ZNF772: variants seen among roughly 807,000 people sequenced by gnomAD.
The protein encoded by ZNF772 is zinc finger protein 772.
A neutral mutation model predicts 11.0 loss-of-function variants in ZNF772; 8 were observed. The ratio of observed to expected loss-of-function variants is 0.73; its 90% CI spans 0.43 to 1.31. ZNF772 has a LOEUF of 1.31. Ranked by LOEUF, ZNF772 falls within the 50% of genes most tolerant of loss-of-function variation. The pLI, the probability that ZNF772 is intolerant of heterozygous loss-of-function variation, is 0.01. For synonymous variants in ZNF772, 155 were observed against 180.4 expected, an observed-to-expected ratio of 0.86 and a Z score of 1.13; for missense variants, 496 against 552.3, an observed-to-expected ratio of 0.90 and a Z score of 1.02.
At position 57,476,432 on chromosome 19, in the gene ZNF772, T is replaced by C. The variant is rs1021058511; in HGVS notation, c.72+202A>G. 1.2e-4 allele frequency: 75 copies of C among 628,442 alleles called. 1 individual carries two copies. In the African/African-American group the frequency reaches 1.3e-3, roughly 11 times the overall value. The allele number at this position is 628,442 out of a possible 1,614,324, so 38.9% of individuals were successfully genotyped here. ...CTGTGCCTGGAACAACCTTCCAACC[T>C]TATTCCAATGGTTGGCAGAAATGGA... is the stretch of plus-strand genomic sequence containing the variant. On this transcript the variant is annotated intron_variant, in intron 2 of 3. Transcript: ENST00000356584.
Position 57,473,587 on chromosome 19 carries a change from T to C in ZNF772, c.1034A>G (p.Tyr345Cys). Residue 345 changes from tyrosine (Y) to cysteine (C), a missense_variant, in exon 4 of 4, where the codon TAC becomes TGC. By Grantham distance (194) the Tyr-to-Cys change is radical (BLOSUM62 -2). Coordinates refer to ENST00000356584, the MANE Select transcript of ZNF772 (RefSeq NM_001144068.2). ...RPYECSECGKYFGHKYRLIKH... is the reference protein window; with the variant it reads ...RPYECSECGKCFGHKYRLIKH... ...AATGAGTCTGTATTTGTGACCAAAG[T>C]ATTTTCCACATTCGCTGCACTCATA... 1 of 1,612,532 alleles carries C rather than the reference T, an allele frequency of 6.2e-7. No individual in the cohort carries two copies. The highest frequency in any genetic ancestry group is 8.5e-7 in the Non-Finnish European group (1 of 1,179,036).
chr19:57,475,099 T>C lies in ZNF772; in HGVS notation c.199+561A>G, dbSNP rs1200408054. ...ACCCAGTCAGGTACCCAGGGCTCACTACCCATCACCAGTGAGGCAACTATG... is the reference window on the plus strand; with the variant it reads ...ACCCAGTCAGGTACCCAGGGCTCACCACCCATCACCAGTGAGGCAACTATG... On this transcript the variant is annotated intron_variant, in intron 3 of 3. Coordinates refer to ENST00000356584, the MANE Select transcript of ZNF772 (RefSeq NM_001144068.2). The surrounding 1 kb of genome is among the most constrained non-coding windows in gnomAD (Gnocchi z 4.2). The C allele has an allele frequency of 1.2e-6, 2 of 1,614,184 alleles. No homozygotes were observed.
Position 57,473,735 on chromosome 19 carries a change from G to C in ZNF772, c.886C>G (p.Leu296Val), listed in dbSNP as rs1791408767. ...GTGTGTACTCTTTGATGTACAATAAGGTTAGAGCTATGATTAAAAACTTTC... is the reference window on the plus strand; with the variant it reads ...GTGTGTACTCTTTGATGTACAATAACGTTAGAGCTATGATTAAAAACTTTC... ...CGKVFNHSSN[L>V]IVHQRVHTGA... The change falls in exon 4 of 4, where the codon CTT becomes GTT. Residue 296 changes from leucine to valine, a missense_variant. Coordinates refer to ENST00000356584, the MANE Select transcript of ZNF772 (RefSeq NM_001144068.2). 9 of 1,614,036 alleles carry C rather than the reference G, an allele frequency of 5.6e-6. No homozygotes were observed. The highest frequency in any genetic ancestry group is 6.8e-6 in the Non-Finnish European group (8 of 1,180,038).
chr19:57,475,935 C>T lies in ZNF772; in HGVS notation c.73-149G>A, dbSNP rs763916516. ...ACCAGATGTCATTGGTGTCTTCTCT[C>T]GCCTCATGGTCCCAATGGATCACTG... On this transcript the variant is annotated intron_variant, in intron 2 of 3. Coordinates refer to ENST00000356584, the MANE Select transcript of ZNF772 (RefSeq NM_001144068.2). This position sits in a 1 kb window ranked among gnomAD's most constrained non-coding sequence, Gnocchi z 4.2. 3.2e-5 allele frequency: 37 copies of T among 1,154,158 alleles called. No individual in the cohort carries two copies. Among genetic ancestry groups the T allele is most frequent in the East Asian group, 7.6e-5 (3 of 39,350 alleles). 71.5% of individuals were successfully genotyped at this position (1,154,158 alleles called of 1,614,324 possible).
rs1016726964 is a variant in ZNF772, at chr19:57,475,234, G to A, written c.199+426C>T. On this transcript the variant is annotated intron_variant, in intron 3 of 3. Transcript: ENST00000356584. This position sits in a 1 kb window ranked among gnomAD's most constrained non-coding sequence, Gnocchi z 4.2. ...AATAATCTCAGAGTAAGGTCTTGCA[G>A]GAATAGTGCAGTGGTCCTAGCAAGT... 13 of 1,515,376 alleles carry A rather than the reference G, an allele frequency of 8.6e-6. No individual in the cohort carries two copies. The highest frequency in any genetic ancestry group is 2.3e-5 in the East Asian group (1 of 42,842). The allele number at this position is 1,515,376 out of a possible 1,614,324, so 93.9% of individuals were successfully genotyped here.
At position 57,477,367 on chromosome 19, in the gene ZNF772, C is replaced by A. The variant is rs977762907; in HGVS notation, c.-58G>T. Reference sequence around the variant, plus strand: ...GTGCAGGAACCTGGGATCAGCTGTCCAGGGCCCAGCCCAGCGGCTAGGTCA... The same window carrying A: ...GTGCAGGAACCTGGGATCAGCTGTCAAGGGCCCAGCCCAGCGGCTAGGTCA... On this transcript the variant is annotated 5_prime_UTR_variant, in exon 1 of 4. Coordinates refer to ENST00000356584, the MANE Select transcript of ZNF772 (RefSeq NM_001144068.2). The A allele has an allele frequency of 8.7e-6, 14 of 1,602,508 alleles. No individual in the cohort carries two copies. The highest frequency in any genetic ancestry group is 1.2e-5 in the Non-Finnish European group (14 of 1,172,520).
Position 57,474,025 on chromosome 19 carries a change from T to C in ZNF772, c.596A>G (p.His199Arg). The C allele has an allele frequency of 1.2e-6, 2 of 1,614,158 alleles. No homozygotes were observed. The highest frequency in any genetic ancestry group is 1.7e-6 in the Non-Finnish European group (2 of 1,179,986). The change falls in exon 4 of 4, where the codon CAC becomes CGC. Residue 199 changes from histidine to arginine, a missense_variant. His to Arg is a conservative substitution (Grantham distance 29, BLOSUM62 0). Coordinates refer to ENST00000356584, the MANE Select transcript of ZNF772 (RefSeq NM_001144068.2). ...CTTCCACTCATTGTGAGGGGCATGG[T>C]GCTCGAAAATGCTTGAGCTGGCTAG... ...DFLASSSIFE[H>R]HAPHNEWKPH...
Position 57,473,950 on chromosome 19 carries a change from T to C in ZNF772, c.671A>G (p.His224Arg). 1 of 1,614,254 alleles carries C rather than the reference T, an allele frequency of 6.2e-7. No individual in the cohort carries two copies. Among genetic ancestry groups the C allele is most frequent in the Non-Finnish European group, 8.5e-7 (1 of 1,180,054 alleles). Residue 224 changes from histidine (H) to arginine (R), a missense_variant, in exon 4 of 4, where the codon CAT becomes CGT. Transcript: ENST00000356584. Reference protein sequence around the residue: ...CEEASHCGKRHYKCSECGKTF... With the variant: ...CEEASHCGKRRYKCSECGKTF... Reference sequence around the variant, plus strand: ...TTTCCCACATTCACTGCATTTGTAATGCCTTTTTCCACAGTGAGAGGCCTC... The same window carrying C: ...TTTCCCACATTCACTGCATTTGTAACGCCTTTTTCCACAGTGAGAGGCCTC...
Position 57,475,531 on chromosome 19 carries a change from A to C in ZNF772, c.199+129T>G, listed in dbSNP as rs1312841745. The stretch of plus-strand genomic sequence containing the variant: ...AACAGCCCAAGCCCAGCACTCACAG[A>C]ACCTACTCCAGGCACTAAGAAATGA... On this transcript the variant is annotated intron_variant, in intron 3 of 3. Transcript: ENST00000356584. This position sits in a 1 kb window ranked among gnomAD's most constrained non-coding sequence, Gnocchi z 4.2. 2.1e-6 allele frequency: 3 copies of C among 1,456,996 alleles called. No homozygotes were observed. In the African/African-American group the frequency reaches 4.2e-5, roughly 20 times the overall value. 90.3% of individuals were successfully genotyped at this position (1,456,996 alleles called of 1,614,324 possible).
At position 57,475,076 on chromosome 19, in the gene ZNF772, C is replaced by T; in HGVS notation, c.199+584G>A. On this transcript the variant is annotated intron_variant, in intron 3 of 3. Coordinates refer to ENST00000356584, the MANE Select transcript of ZNF772 (RefSeq NM_001144068.2). The surrounding 1 kb of genome is among the most constrained non-coding windows in gnomAD (Gnocchi z 4.2). ...TGGCAACAGCTAGGGTCATGTCCAC[C>T]CAGTCAGGTACCCAGGGCTCACTAC... The T allele has an allele frequency of 1.2e-6, 2 of 1,614,162 alleles. No homozygotes were observed. Among genetic ancestry groups the T allele is most frequent in the Non-Finnish European group, 8.5e-7 (1 of 1,180,022 alleles).
chr19:57,477,344 G>C lies in ZNF772; in HGVS notation c.-35C>G, dbSNP rs1019349396. 25 of 1,612,470 alleles carry C rather than the reference G, an allele frequency of 1.6e-5. No individual in the cohort carries two copies. In the East Asian group the frequency reaches 5.6e-4, roughly 36 times the overall value. Reference sequence around the variant, plus strand: ...GGACTACGGAAGGGTGGCGACAAGTGCAGGAACCTGGGATCAGCTGTCCAG... The same window carrying C: ...GGACTACGGAAGGGTGGCGACAAGTCCAGGAACCTGGGATCAGCTGTCCAG... On this transcript the variant is annotated 5_prime_UTR_variant, in exon 1 of 4. Transcript: ENST00000356584.
intron 3 of ZNF772, 137 bp from the exon 4 acceptor site, chr19:57,474,558 C>T: frequency 1.2e-6 from 1 of 842,466 alleles, no homozygotes; most frequent in Non-Finnish European, 1.8e-6. Context: ...AACTCAAGTT[C>T]AGCAAATGTG....
chr19:57,475,719 G>A lies in ZNF772; in HGVS notation c.140C>T (p.Ala47Val). The A allele has an allele frequency of 1.2e-6, 2 of 1,613,892 alleles. No individual in the cohort carries two copies. Among genetic ancestry groups the A allele is most frequent in the Non-Finnish European group, 1.7e-6 (2 of 1,179,872 alleles). The change falls in exon 3 of 4, where the codon GCT (alanine) becomes GTT (valine). Residue 47 changes from alanine (A) to valine (V), a missense_variant. Physicochemically the swap from Ala to Val is moderately conservative, Grantham distance 64. Transcript: ENST00000356584. This position sits in a 1 kb window ranked among gnomAD's most constrained non-coding sequence, Gnocchi z 4.2. ...CACATCACGGTACAGGAGCCTCTGA[G>A]CCTCATCAAGGAGCACCCACTCCTC... ...SQEEWVLLDE[A>V]QRLLYRDVML...
At position 57,470,355 on chromosome 19, in the gene ZNF772, A is replaced by C. The variant is rs750559655; in HGVS notation, c.*2919T>G. ...TCCAACCTGGATGACAGAGCAAGAC[A>C]CTGTCTCAAAAAAAAAAATGAAACC... On this transcript the variant is annotated 3_prime_UTR_variant, in exon 4 of 4. Transcript: ENST00000356584. 1.3e-5 allele frequency: 2 copies of C among 151,858 alleles called. No individual in the cohort carries two copies. The highest frequency in any genetic ancestry group is 1.5e-5 in the Non-Finnish European group (1 of 67,948). The allele number at this position is 151,858 out of a possible 1,614,324, so 9.4% of individuals were successfully genotyped here.
rs1471685878 is a variant in ZNF772 at position 57,474,385 on chromosome 19, A to G, written c.236T>C (p.Phe79Ser). The G allele has an allele frequency of 2.5e-6, 4 of 1,610,218 alleles. No homozygotes were observed. The highest frequency in any genetic ancestry group is 1.7e-5 in the Admixed American group (1 of 60,018). The change falls in exon 4 of 4, where the codon TTT (phenylalanine) becomes TCT (serine). Residue 79 changes from phenylalanine (F) to serine (S), a missense_variant. Coordinates refer to ENST00000356584, the MANE Select transcript of ZNF772 (RefSeq NM_001144068.2). ...CATTCCTATAGAAAAGCTCTGCTCAAAAGGTATCTCTTCATCCTCCATTCC... is the reference window on the plus strand; with the variant it reads ...CATTCCTATAGAAAAGCTCTGCTCAGAAGGTATCTCTTCATCCTCCATTCC... ...WHGMEDEEIP[F>S]EQSFSIGMSQ...
chr19:57,473,937 A>G lies in ZNF772; in HGVS notation c.684T>C (p.Ser228=). The part of the protein sequence containing the change: ...SHCGKRHYKC[S]ECGKTFSRKD... Reference sequence around the variant, plus strand: ...TGCGGCTGAAGGTTTTCCCACATTCACTGCATTTGTAATGCCTTTTTCCAC... The same window carrying G: ...TGCGGCTGAAGGTTTTCCCACATTCGCTGCATTTGTAATGCCTTTTTCCAC... Residue 228 remains serine (S), a synonymous_variant, in exon 4 of 4, where the codon AGT becomes AGC. Transcript: ENST00000356584. 1.9e-6 allele frequency: 3 copies of G among 1,614,216 alleles called. No individual in the cohort carries two copies.
At position 57,475,348 on chromosome 19, in the gene ZNF772, G is replaced by A. The variant is rs375885693; in HGVS notation, c.199+312C>T. On this transcript the variant is annotated intron_variant, in intron 3 of 3. Transcript: ENST00000356584. The surrounding 1 kb of genome is among the most constrained non-coding windows in gnomAD (Gnocchi z 4.2). Reference sequence around the variant, plus strand: ...AAGAGCGCAGAATCCCAGGCACAGAGGTGTCATGGATACAGACAGAGGAAT... The same window carrying A: ...AAGAGCGCAGAATCCCAGGCACAGAAGTGTCATGGATACAGACAGAGGAAT... Among the ~76,000 whole-genome samples, 17 of 152,008 alleles carry A rather than the reference G, an allele frequency of 1.1e-4. No individual in the cohort carries two copies. Among genetic ancestry groups the A allele is most frequent in the African/African-American group, 3.1e-4 (13 of 41,314 alleles).
rs549593114 is a variant in ZNF772, at chr19:57,475,250, C to T, written c.199+410G>A. 7.1e-7 allele frequency: 1 copy of T among 1,414,606 alleles called. No homozygotes were observed. Among genetic ancestry groups the T allele is most frequent in the South Asian group, 1.3e-5 (1 of 76,430 alleles). The allele number at this position is 1,414,606 out of a possible 1,614,324, so 87.6% of individuals were successfully genotyped here. The stretch of plus-strand genomic sequence containing the variant: ...GGTCTTGCAGGAATAGTGCAGTGGT[C>T]CTAGCAAGTAGCGACCATAATGGTC... On this transcript the variant is annotated intron_variant, in intron 3 of 3. Transcript: ENST00000356584. This position sits in a 1 kb window ranked among gnomAD's most constrained non-coding sequence, Gnocchi z 4.2.
chr19:57,475,072 C>G lies in ZNF772; in HGVS notation c.199+588G>C. 2 of 1,614,226 alleles carry G rather than the reference C, an allele frequency of 1.2e-6. No individual in the cohort carries two copies. Among genetic ancestry groups the G allele is most frequent in the Non-Finnish European group, 8.5e-7 (1 of 1,180,034 alleles). Reference sequence around the variant, plus strand: ...TCTGTGGCAACAGCTAGGGTCATGTCCACCCAGTCAGGTACCCAGGGCTCA... The same window carrying G: ...TCTGTGGCAACAGCTAGGGTCATGTGCACCCAGTCAGGTACCCAGGGCTCA... On this transcript the variant is annotated intron_variant, in intron 3 of 3. Coordinates refer to ENST00000356584, the MANE Select transcript of ZNF772 (RefSeq NM_001144068.2). This position sits in a 1 kb window ranked among gnomAD's most constrained non-coding sequence, Gnocchi z 4.2.
Sources: allele counts gnomAD v4.1 joint callset (sites outside exome capture counted in the v4.1 genomes callset), GRCh38; gene constraint gnomAD v4.1.1; non-coding constraint Gnocchi (gnomAD v3.1); transcripts MANE v1.5; gene names NCBI Gene and HGNC (gene_info 2026-07-23, HGNC 2026-07-21).